RANBP2: variants seen among roughly 807,000 people sequenced by gnomAD.
RANBP2 encodes E3 SUMO-protein ligase RanBP2.
RANBP2 carries 57 observed loss-of-function variants against 303.6 expected under a neutral mutation model. The observed-to-expected ratio is 0.19, with a 90% CI of 0.15 to 0.23. RANBP2 has a LOEUF of 0.23. RANBP2 is among the 10% of genes least tolerant of loss of function. The pLI, the probability that RANBP2 is intolerant of heterozygous loss-of-function variation, is 1.00. For missense variants in RANBP2, 3,138 were observed against 3,780.8 expected, an observed-to-expected ratio of 0.83 and a Z score of 4.46; for synonymous variants, 1,167 against 1,301.5, an observed-to-expected ratio of 0.90 and a Z score of 2.23.
chr2:109,154,937 A>C, the RANBP2 span, among the ~76,000 whole-genome samples: 14 of 152,196 alleles, frequency 9.2e-5, no homozygotes, highest in East Asian at 2.3e-3. Flanking sequence ...CCAAATCACG[A>C]CTTGTCAAAA....
At chr2:109,233,991 A>G in the RANBP2 span, among the ~76,000 whole-genome samples, 5 of 152,238 alleles carry the variant, frequency 3.3e-5, no homozygotes. Context: ...TTTGGCAGTC[A>G]TTGATAAAGC....
the RANBP2 span, among the ~76,000 whole-genome samples, chr2:109,058,451 C>T: frequency 1.3e-5 from 2 of 152,176 alleles, no homozygotes; most frequent in African/African-American, 4.8e-5. Context: ...TAGGAAAAGG[C>T]TCTCGGCTCT....
the RANBP2 span, chr2:109,737,514 G>A: frequency 0.2 from 114,116 of 569,042 alleles, 12,579 homozygotes; most frequent in East Asian, 0.3. Flanking sequence ...CTTTCTCGCG[G>A]GCACCATGGC....
chr2:109,504,088 C>T, the RANBP2 span: 3 of 152,374 alleles, frequency 2.0e-5, no homozygotes, highest in Admixed American at 6.5e-5. Context: ...TAAACTCGTT[C>T]AGGCCCTGCA....
the RANBP2 span, among the ~76,000 whole-genome samples, chr2:109,170,027 G>T: frequency 0.015 from 2,286 of 152,180 alleles, 35 homozygotes; most frequent in Non-Finnish European, 0.024. Flanking sequence ...TCTTCATATG[G>T]CTCATAACTG....
the RANBP2 span, among the ~76,000 whole-genome samples, chr2:108,983,399 A>G: frequency 3.3e-5 from 5 of 152,198 alleles, no homozygotes; most frequent in Admixed American, 2.6e-4. Context: ...ACCCAAGGAC[A>G]CAGAGCCTCA....
intron 20 of RANBP2, among the ~76,000 whole-genome samples, chr2:108,768,908 C>G (rs1020750323): frequency 6.6e-6 from 1 of 151,932 alleles, no homozygotes; most frequent in African/African-American, 2.4e-5. Flanking sequence ...TGGTGCGTGC[C>G]TATAATTAGC....
At chr2:109,386,209 G>A in the RANBP2 span, among the ~76,000 whole-genome samples, 1 of 152,248 alleles carries the variant, frequency 6.6e-6, no homozygotes, top group Non-Finnish European at 1.5e-5. Context: ...GAAGGAGGAA[G>A]TGACCCAGGC....
chr2:109,105,652 T>A, the RANBP2 span, among the ~76,000 whole-genome samples: 1 of 152,144 alleles, frequency 6.6e-6, no homozygotes, highest in East Asian at 1.9e-4. Flanking sequence ...CCTCCCAGGT[T>A]CAAGCGATTC....
At chr2:109,584,488 A>AG in the RANBP2 span, among the ~76,000 whole-genome samples, 1 of 151,698 alleles carries the variant, frequency 6.6e-6, no homozygotes, top group African/African-American at 2.4e-5. Context: ...AAAAAAAAAA[A>AG]AAAAAAAAAT....
At chr2:109,087,268 G>T in the RANBP2 span, among the ~76,000 whole-genome samples, 1 of 152,154 alleles carries the variant, frequency 6.6e-6, no homozygotes, top group African/African-American at 2.4e-5. Context: ...CAGACACTTT[G>T]GATGACTCTT....
chr2:109,152,125 G>A, the RANBP2 span, among the ~76,000 whole-genome samples: 2 of 152,274 alleles, frequency 1.3e-5, no homozygotes, highest in Admixed American at 6.5e-5. Context: ...GCCTCTTTTT[G>A]GAGAGGATGA....
intron 4 of RANBP2, among the ~76,000 whole-genome samples, chr2:108,735,269 G>A (rs1310897854): frequency 6.6e-6 from 1 of 152,158 alleles, no homozygotes; most frequent in African/African-American, 2.4e-5. Flanking sequence ...GGACAGGAAT[G>A]TGTGGCATTA....
chr2:109,400,606 C>T, the RANBP2 span, among the ~76,000 whole-genome samples: 3 of 151,852 alleles, frequency 2.0e-5, no homozygotes, highest in East Asian at 1.9e-4. Flanking sequence ...AACTTATATG[C>T]GTCCCTTCCA....
the RANBP2 span, among the ~76,000 whole-genome samples, chr2:109,215,278 G>A: frequency 6.6e-6 from 1 of 152,132 alleles, no homozygotes; most frequent in African/African-American, 2.4e-5. Context: ...GGCCACTTTG[G>A]GTCATGGGTA....
the RANBP2 span, among the ~76,000 whole-genome samples, chr2:109,195,224 GA>G: frequency 6.6e-6 from 1 of 152,160 alleles, no homozygotes; most frequent in African/African-American, 2.4e-5. Context: ...CTAGGACTAG[GA>G]CTAGGACTGC....
At chr2:109,547,513 A>G in the RANBP2 span, among the ~76,000 whole-genome samples, 1 of 152,192 alleles carries the variant, frequency 6.6e-6, no homozygotes, top group African/African-American at 2.4e-5. Context: ...AAAATTATTT[A>G]AAGAATACAA....
intron 7 of RANBP2, 148 bp downstream of exon 7, chr2:108,740,829 C>A: frequency 1.5e-6 from 2 of 1,370,924 alleles, no homozygotes; most frequent in Non-Finnish European, 2.0e-6. Context: ...TGGAAAATAA[C>A]TAAGCATACA....
At chr2:108,762,684 A>T (rs1206843236) in intron 19 of RANBP2, among the ~76,000 whole-genome samples, 4 of 140,920 alleles carry the variant, frequency 2.8e-5, no homozygotes, top group African/African-American at 1.1e-4. Flanking sequence ...TAAAATGAGG[A>T]TAATAATAAT....
Sources: gnomAD v4.1 joint callset for allele counts (sites outside exome capture counted in the v4.1 genomes callset) on GRCh38, gnomAD v4.1.1 for gene constraint, MANE v1.5 for transcripts, NCBI Gene and HGNC (gene_info 2026-07-23, HGNC 2026-07-21) for gene names.